The following ARHGEF10 variants were observed in gnomAD, a reference collection of about 807,000 sequenced individuals.
ARHGEF10 encodes Rho guanine nucleotide exchange factor 10, also known as Rho guanine nucleotide exchange factor (GEF) 10.
ARHGEF10 carries 140 observed loss-of-function variants against 147.4 expected under a neutral mutation model. The ratio of observed to expected loss-of-function variants is 0.95; its 90% confidence interval spans 0.83 to 1.09. ARHGEF10 has a LOEUF of 1.09. Ranked by LOEUF, ARHGEF10 falls within the 50% of genes least tolerant of loss-of-function variation. ARHGEF10 has a pLI of 0.00. For synonymous variants in ARHGEF10, 902 were observed against 695.8 expected, an observed-to-expected ratio of 1.30 and a Z score of -4.67; for missense variants, 2,222 against 1,752.7, an observed-to-expected ratio of 1.27 and a Z score of -4.78.
intron 18 of ARHGEF10, among the ~76,000 whole-genome samples, chr8:1,912,766 A>G (rs563807337): frequency 6.6e-6 from 1 of 152,066 alleles, no homozygotes; most frequent in South Asian, 2.1e-4. Context: ...GGATCCATGG[A>G]TTGGTTTAAG....
chr8:1,848,214 G>C (rs947823582), intron 2 of ARHGEF10, among the ~76,000 whole-genome samples: 5 of 152,368 alleles, frequency 3.3e-5, no homozygotes, highest in Non-Finnish European at 7.3e-5. Context: ...TGTAAAAAGA[G>C]GTACGCGGGG....
At chr8:1,941,333 T>G (rs1317895826) in intron 26 of ARHGEF10, among the ~76,000 whole-genome samples, 1 of 152,002 alleles carries the variant, frequency 6.6e-6, no homozygotes, top group Non-Finnish European at 1.5e-5. Context: ...AACCTGAAAA[T>G]GAGACAAGAA....
chr8:1,858,101 C>G lies in ARHGEF10; in HGVS notation c.179C>G (p.Ala60Gly), dbSNP rs1191495371. The change falls in exon 3 of 29, where the codon GCC becomes GGC. Residue 60 changes from alanine (A) to glycine (G), a missense_variant. Physicochemically the swap from Ala to Gly is moderately conservative, Grantham distance 60 (BLOSUM62 0). Coordinates refer to ENST00000349830, the MANE Select transcript of ARHGEF10 (RefSeq NM_014629.4). ...PETGGAGASE[A>G]PAPTGGEDGA... ...ACAGGAGGTGCTGGAGCCAGTGAAG[C>G]CCCTGCACCCACAGGTGAGTTTCCA... 1.2e-6 allele frequency: 2 copies of G among 1,613,882 alleles called. No individual in the cohort carries two copies. Among genetic ancestry groups the G allele is most frequent in the South Asian group, 1.1e-5 (1 of 91,034 alleles).
At chr8:1,928,967 A>G (rs1410911085) in intron 24 of ARHGEF10, among the ~76,000 whole-genome samples, 2 of 152,216 alleles carry the variant, frequency 1.3e-5, no homozygotes, top group African/African-American at 4.8e-5. Flanking sequence ...TTTTGGAATA[A>G]AACAGCCATA....
chr8:1,916,007 A>G (rs1467738887), intron 18 of ARHGEF10, among the ~76,000 whole-genome samples: 1 of 152,246 alleles, frequency 6.6e-6, no homozygotes, highest in Non-Finnish European at 1.5e-5. Flanking sequence ...CAGGAAAGCT[A>G]TCATAGCTCC....
chr8:1,914,660 G>A (rs1461679354), intron 18 of ARHGEF10, among the ~76,000 whole-genome samples: 1 of 152,228 alleles, frequency 6.6e-6, no homozygotes, highest in Non-Finnish European at 1.5e-5. Flanking sequence ...AGAACAAAAT[G>A]CCTCTGTGCT....
chr8:1,833,408 A>G lies in ARHGEF10; in HGVS notation c.-48+9295A>G, dbSNP rs1455742185. ...TGCAGCGACAGGGGCAGAGACAGAG[A>G]CAGAGGCAGAGACAGAGACAGAGAC... On this transcript the variant is annotated intron_variant, in intron 1 of 28. Transcript: ENST00000349830. Among the ~76,000 whole-genome samples, 273 of 142,460 alleles carry G rather than the reference A, an allele frequency of 1.9e-3. 4 individuals carry two copies. The highest frequency in any genetic ancestry group is 6.9e-3 in the African/African-American group (263 of 38,030). 93.5% of individuals were successfully genotyped at this position (142,460 alleles called of 152,430 possible).
intron 26 of ARHGEF10, among the ~76,000 whole-genome samples, chr8:1,936,117 T>A (rs1813582662): frequency 6.6e-6 from 1 of 151,992 alleles, no homozygotes; most frequent in African/African-American, 2.4e-5. Context: ...GCTGTCTTGT[T>A]TTTTACTGTC....
chr8:1,842,107 C>G (rs1211133058), intron 1 of ARHGEF10, among the ~76,000 whole-genome samples: 1 of 151,150 alleles, frequency 6.6e-6, no homozygotes, highest in African/African-American at 2.4e-5. Flanking sequence ...ACCACGAGGC[C>G]AGGTGCTGGG....
intron 3 of ARHGEF10, chr8:1,858,822 G>A (rs1187517755): frequency 1.1e-5 from 1 of 90,824 alleles, no homozygotes. Context: ...TTCAGGTGTA[G>A]TACCAGCCTG....
chr8:1,841,588 G>A (rs567937080), intron 1 of ARHGEF10, among the ~76,000 whole-genome samples: 12 of 152,224 alleles, frequency 7.9e-5, no homozygotes, highest in Admixed American at 5.9e-4. Context: ...CGGCTCCCTG[G>A]GGGCAGGGAG....
rs868193675 is a variant in ARHGEF10, at chr8:1,866,585, A to G, written c.605A>G (p.Asn202Ser). The G allele has an allele frequency of 6.2e-7, 1 of 1,606,612 alleles. No homozygotes were observed. The highest frequency in any genetic ancestry group is 1.3e-5 in the African/African-American group (1 of 75,062). The change falls in exon 6 of 29, where the codon AAC becomes AGC. Residue 202 changes from asparagine (N) to serine (S), a missense_variant. By Grantham distance (46) the Asn-to-Ser change is conservative (BLOSUM62 1). Coordinates refer to ENST00000349830, the MANE Select transcript of ARHGEF10 (RefSeq NM_014629.4). ...GCCCGCTGGGCCGCAGACCCGGCCA[A>G]CACAGCCTGGATGGAGAGTAAGTTC... ...ALARWAADPA[N>S]TAWMENPEEA... is the part of the protein sequence containing the mutation.
intron 28 of ARHGEF10, among the ~76,000 whole-genome samples, chr8:1,956,111 C>T (rs1204843865): frequency 6.6e-6 from 1 of 152,212 alleles, no homozygotes; most frequent in Non-Finnish European, 1.5e-5. Context: ...CCAGAAGACA[C>T]GCCAGGTCCA....
At chr8:1,886,547 C>T (rs991032568) in intron 11 of ARHGEF10, among the ~76,000 whole-genome samples, 5 of 152,232 alleles carry the variant, frequency 3.3e-5, no homozygotes, top group African/African-American at 1.2e-4. Flanking sequence ...AGGAAGCTTA[C>T]ATTTCAGTGG....
chr8:1,920,536 C>T (rs570783222), intron 18 of ARHGEF10, among the ~76,000 whole-genome samples: 1 of 152,034 alleles, frequency 6.6e-6, no homozygotes, highest in Non-Finnish European at 1.5e-5. Context: ...CTATGTTGCC[C>T]AGGCTGGTCT....
chr8:1,917,631 G>A (rs2129198972), intron 18 of ARHGEF10, among the ~76,000 whole-genome samples: 1 of 152,340 alleles, frequency 6.6e-6, no homozygotes, highest in East Asian at 1.9e-4. Context: ...AAGTGCTTTT[G>A]CGGAAGTGCA....
rs1813697464 is a variant in ARHGEF10 at position 1,937,333 on chromosome 8, T to C, written c.3222+3391T>C. Among the ~76,000 whole-genome samples the C allele has an allele frequency of 6.6e-6, 1 of 152,058 alleles. No homozygotes were observed. The highest frequency in any genetic ancestry group is 1.5e-5 in the Non-Finnish European group (1 of 68,018). The stretch of plus-strand genomic sequence containing the variant: ...AGTTTTTCACAGCCCTTGTACCCCA[T>C]CAGTACAGCCATCCTAGTAATTGCG... On this transcript the variant is annotated intron_variant, in intron 26 of 28. Transcript: ENST00000349830. The surrounding 1 kb of genome is among the most constrained non-coding windows in gnomAD (Gnocchi z 4.9).
At chr8:1,944,230 G>A (rs1254429732) in intron 26 of ARHGEF10, among the ~76,000 whole-genome samples, 1 of 150,748 alleles carries the variant, frequency 6.6e-6, no homozygotes, top group East Asian at 2.0e-4. Context: ...CGCCTCCCTG[G>A]GGGCCCCAGC....
chr8:1,900,758 G>C (rs1327051865), intron 15 of ARHGEF10, among the ~76,000 whole-genome samples: 5 of 152,308 alleles, frequency 3.3e-5, no homozygotes, highest in African/African-American at 9.6e-5. Context: ...CAAAAGACTT[G>C]CACTTAGAAA....
Sources: allele counts gnomAD v4.1 joint callset (sites outside exome capture counted in the v4.1 genomes callset), GRCh38; gene constraint gnomAD v4.1.1; non-coding constraint Gnocchi (gnomAD v3.1); transcripts MANE v1.5; gene names NCBI Gene and HGNC (gene_info 2026-07-23, HGNC 2026-07-21).